Variants in UHRF2 observed in about 807,000 individuals in gnomAD.
UHRF2 encodes ubiquitin like with PHD and ring finger domains 2, also known as E3 ubiquitin-protein ligase UHRF2.
Under a neutral mutation model 96.8 loss-of-function variants are expected in UHRF2, and 23 were observed. The ratio of observed to expected loss-of-function variants is 0.24; its 90% CI spans 0.17 to 0.34. The LOEUF is 0.34. UHRF2 is among the 10% of genes least tolerant of loss of function. The probability of loss-of-function intolerance (pLI) is 1.00; values close to 1 mark genes in which losing one functional copy is unlikely to be tolerated. For synonymous variants in UHRF2, 385 were observed against 332.6 expected (o/e 1.16, Z -1.72); for missense variants, 685 against 981.5 (o/e 0.70, Z 4.04).
rs746519393 is a variant in UHRF2 at position 6,504,568 on chromosome 9, T to G, written c.2164-25T>G. On this transcript the variant is annotated intron_variant, in intron 14 of 15. Transcript: ENST00000276893. ...ATATTATGAACTGCTAACTTTTCTT[T>G]CCTTATCCTTGGATACTGTTCTAGA... The G allele has an allele frequency of 4.5e-6, 7 of 1,568,306 alleles. No individual in the cohort carries two copies. The South Asian group carries it at 5.7e-5, about 13-fold the overall frequency.
chr9:6,416,119 A>C (rs116363148), intron 1 of UHRF2, among the ~76,000 whole-genome samples: 2,248 of 151,752 alleles, frequency 0.015, 50 homozygotes, highest in African/African-American at 0.051. Context: ...GCCAGGCTGG[A>C]GTGGCGCGAT....
intron 5 of UHRF2, among the ~76,000 whole-genome samples, chr9:6,477,126 C>T (rs1026251868): frequency 1.3e-5 from 2 of 151,574 alleles, no homozygotes; most frequent in African/African-American, 2.4e-5. Context: ...CCAGCTATTC[C>T]GGAGGCTGAG....
chr9:6,475,319 G>A (rs7852539), intron 4 of UHRF2, 72 bp from the exon 5 acceptor site: 192,088 of 830,432 alleles, frequency 0.23, 26,668 homozygotes, highest in African/African-American at 0.56. Flanking sequence ...TTCCAAACTG[G>A]CTTTTAATTA....
chr9:6,420,089 C>T (rs1454295948), intron 1 of UHRF2, among the ~76,000 whole-genome samples: 1 of 151,474 alleles, frequency 6.6e-6, no homozygotes, highest in African/African-American at 2.4e-5. Context: ...GACAGTCTCC[C>T]TCTGTTGCCC....
chr9:6,499,881 G>C lies in UHRF2; in HGVS notation c.1955G>C (p.Gly652Ala), dbSNP rs1156982510. 1.2e-5 allele frequency: 20 copies of C among 1,612,210 alleles called. No homozygotes were observed. Among genetic ancestry groups the C allele is most frequent in the Non-Finnish European group, 1.7e-5 (20 of 1,179,032 alleles). ...PSDKEGKKPK[G>A]QSKKQPSGTT... ...GATAAAGAAGGGAAGAAGCCTAAAG[G>C]ACAGTCAAAGAAGCAGCCCAGTGGA... Residue 652 changes from glycine (G) to alanine (A), a missense_variant, in exon 13 of 16, where the codon GGA (glycine) becomes GCA (alanine). Transcript: ENST00000276893.
intron 8 of UHRF2, chr9:6,484,785 C>CTTTTTTTTTTTTTTT (rs34815980): frequency 3.0e-5 from 2 of 66,278 alleles, no homozygotes; most frequent in Non-Finnish European, 2.7e-5. Context: ...TCACTTCTTT[C>CTTTTTTTTTTTTTTT]TTTTTTTTTT....
intron 1 of UHRF2, 81 bp downstream of exon 1, chr9:6,413,724 CTG>C (rs1819424352): frequency 3.0e-6 from 4 of 1,340,308 alleles, no homozygotes; most frequent in Non-Finnish European, 3.8e-6. Context: ...TCCGAGGGCT[CTG>C]TGCGCCGCGC....
intron 10 of UHRF2, chr9:6,495,106 A>G (rs1286636767): frequency 2.6e-5 from 4 of 152,204 alleles, no homozygotes; most frequent in Non-Finnish European, 4.4e-5. Context: ...CAAGTTGTCA[A>G]ATCTGAAAAT....
Position 6,413,712 on chromosome 9 carries a change from G to T in UHRF2, c.153+69G>T. On this transcript the variant is annotated intron_variant, in intron 1 of 15. Coordinates refer to ENST00000276893, the MANE Select transcript of UHRF2 (RefSeq NM_152896.3). ...ACAGCTGGGCTCCTCTGGACGCACCGGTCCGAGGGCTCTGTGCGCCGCGCG... is the reference window on the plus strand; with the variant it reads ...ACAGCTGGGCTCCTCTGGACGCACCTGTCCGAGGGCTCTGTGCGCCGCGCG... 6.4e-6 allele frequency: 9 copies of T among 1,399,450 alleles called. No homozygotes were observed. In the South Asian group the frequency reaches 1.4e-4, roughly 21 times the overall value. The allele number at this position is 1,399,450 out of a possible 1,614,324, so 86.7% of individuals were successfully genotyped here. A position where few individuals can be genotyped will look rare whatever the true frequency, so the allele number is the denominator to read the frequency against.
At chr9:6,453,379 G>A (rs893977652) in intron 3 of UHRF2, among the ~76,000 whole-genome samples, 1 of 152,140 alleles carries the variant, frequency 6.6e-6, no homozygotes, top group Non-Finnish European at 1.5e-5. Flanking sequence ...ACAGAATGAT[G>A]ATAATGTGTT....
At chr9:6,439,968 C>G (rs918856206) in intron 3 of UHRF2, among the ~76,000 whole-genome samples, 1 of 152,150 alleles carries the variant, frequency 6.6e-6, no homozygotes, top group Non-Finnish European at 1.5e-5. Context: ...GAGAAAACAT[C>G]AAATTTTCTT....
chr9:6,494,236 C>G lies in UHRF2; in HGVS notation c.1604+304C>G, dbSNP rs572637963. The G allele has an allele frequency of 3.7e-4, 102 of 273,936 alleles. 1 individual carries two copies. In the East Asian group the frequency reaches 6.2e-3, roughly 17 times the overall value. The allele number at this position is 273,936 out of a possible 1,614,324, so 17.0% of individuals were successfully genotyped here. On this transcript the variant is annotated intron_variant, in intron 10 of 15. Coordinates refer to ENST00000276893, the MANE Select transcript of UHRF2 (RefSeq NM_152896.3). ...TGAAATTGAGAATAAGGTGGCTTGT[C>G]TACTACTCCATTGGTCAAAGCTAAA...
At chr9:6,424,555 T>C (rs1321391532) in intron 2 of UHRF2, among the ~76,000 whole-genome samples, 1 of 152,180 alleles carries the variant, frequency 6.6e-6, no homozygotes, top group Admixed American at 6.5e-5. Context: ...AGTTTTAGAT[T>C]TGTAGCAAAA....
At chr9:6,504,475 A>G (rs372074149) in intron 14 of UHRF2, 118 bp from the exon 15 acceptor site, 28 of 625,022 alleles carry the variant, frequency 4.5e-5, no homozygotes, top group African/African-American at 4.1e-4. Flanking sequence ...AACATCTTTT[A>G]TGCTGGGAAC....
At chr9:6,413,763 G>C (rs1395900330) in intron 1 of UHRF2, 120 bp downstream of exon 1, 2 of 1,238,518 alleles carry the variant, frequency 1.6e-6, no homozygotes, top group Non-Finnish European at 2.1e-6. Context: ...GCTCCGCTGC[G>C]GGTGGGCAGC....
At chr9:6,467,975 A>G (rs200984339) in intron 4 of UHRF2, among the ~76,000 whole-genome samples, 2 of 152,046 alleles carry the variant, frequency 1.3e-5, no homozygotes, top group Non-Finnish European at 2.9e-5. Context: ...TGTTCCTTAG[A>G]CACCTCATCA....
At chr9:6,422,665 AGTGAC>A in intron 2 of UHRF2, 1 of 649,428 alleles carries the variant, frequency 1.5e-6, no homozygotes, top group South Asian at 1.7e-5. Context: ...GCTGTAGTGC[AGTGAC>A]GTGAACACGG....
At position 6,482,079 on chromosome 9, in the gene UHRF2, A is replaced by G. The variant is rs150054333; in HGVS notation, c.1372A>G (p.Thr458Ala). Reference sequence around the variant, plus strand: ...CATTCCTGGTATTCCTGTTGGATCAACTTGGAGATTTAGAGTTCAGGTATG... The same window carrying G: ...CATTCCTGGTATTCCTGTTGGATCAGCTTGGAGATTTAGAGTTCAGGTATG... Reference protein sequence around the residue: ...GPIPGIPVGSTWRFRVQVSEA... With the variant: ...GPIPGIPVGSAWRFRVQVSEA... Residue 458 changes from threonine (T) to alanine (A), a missense_variant, in exon 8 of 16, where the codon ACT becomes GCT. Transcript: ENST00000276893. The G allele has an allele frequency of 5.6e-6, 9 of 1,613,948 alleles. No homozygotes were observed. Among genetic ancestry groups the G allele is most frequent in the African/African-American group, 1.3e-5 (1 of 74,904 alleles).
At chr9:6,500,935 G>A (rs962677147) in intron 14 of UHRF2, among the ~76,000 whole-genome samples, 1 of 152,072 alleles carries the variant, frequency 6.6e-6, no homozygotes, top group Non-Finnish European at 1.5e-5. Flanking sequence ...TATGCCCAAA[G>A]TTACTTTACT....
Sources: allele counts gnomAD v4.1 joint callset (sites outside exome capture counted in the v4.1 genomes callset), GRCh38; gene constraint gnomAD v4.1.1; transcripts MANE v1.5; gene names NCBI Gene and HGNC (gene_info 2026-07-23, HGNC 2026-07-21).